The following FBXO47 variants were observed in gnomAD, a reference collection of about 807,000 sequenced individuals.
FBXO47 encodes F-box only protein 47.
FBXO47 carries 34 observed loss-of-function variants against 53.9 expected under a neutral mutation model. That is an observed-to-expected ratio of 0.63 (90% CI 0.48 to 0.84). The LOEUF is 0.84. FBXO47 is among the 40% of genes least tolerant of loss of function. The pLI is 0.00. For missense variants in FBXO47, 485 were observed against 541.3 expected (o/e 0.90, Z 1.03); for synonymous variants, 165 against 181.6 (o/e 0.91, Z 0.73).
chr17:38,953,952 T>G (rs1482514775), intron 5 of FBXO47, among the ~76,000 whole-genome samples: 1 of 152,190 alleles, frequency 6.6e-6, no homozygotes, highest in African/African-American at 2.4e-5. Context: ...AGCAAGATTC[T>G]TACGGGTGCA....
In FBXO47 at chr17:38,945,547, C is replaced by T. The variant is rs937108070; in HGVS notation, c.617-411G>A. ...GGTGTGGTGACTCTTGCCTGTAATG[C>T]CAGCACGTTGTGAAGCCGAGGTGGG... On this transcript the variant is annotated intron_variant, in intron 6 of 10. Coordinates refer to ENST00000378079, the MANE Select transcript of FBXO47 (RefSeq NM_001008777.3). Among the ~76,000 whole-genome samples the T allele has an allele frequency of 5.3e-5, 8 of 152,090 alleles. No individual in the cohort carries two copies. In the South Asian group the frequency reaches 1.5e-3, roughly 28 times the overall value.
At chr17:38,946,841 TAAACATATAA>T (rs1208173508) in intron 6 of FBXO47, among the ~76,000 whole-genome samples, 105 of 103,786 alleles carry the variant, frequency 1.0e-3, no homozygotes, top group African/African-American at 1.8e-3. Flanking sequence ...TAAATATATA[TAAACATATAA>T]AAATATATAT....
chr17:38,944,632 T>A (rs557451501), intron 7 of FBXO47, among the ~76,000 whole-genome samples: 1 of 148,618 alleles, frequency 6.7e-6, no homozygotes, highest in Non-Finnish European at 1.5e-5. Flanking sequence ...AACCCGGGAA[T>A]TGGAGCTCGC....
intron 3 of FBXO47, among the ~76,000 whole-genome samples, chr17:38,959,381 G>A (rs961458992): frequency 2.6e-5 from 4 of 151,710 alleles, no homozygotes; most frequent in Admixed American, 6.6e-5. Context: ...ACAGGAGTTC[G>A]AGACCAGCCT....
At chr17:38,945,665 C>G (rs6503737) in intron 6 of FBXO47, among the ~76,000 whole-genome samples, 67,087 of 151,410 alleles carry the variant, frequency 0.44, 16,023 homozygotes, top group African/African-American at 0.62. Context: ...GGCCGGGTGC[C>G]GTGGCTCACA....
chr17:38,961,195 T>C (rs1442965759), intron 3 of FBXO47, among the ~76,000 whole-genome samples: 1 of 152,236 alleles, frequency 6.6e-6, no homozygotes, highest in Non-Finnish European at 1.5e-5. Context: ...GTTATGCCTT[T>C]ATTTAAATCA....
In FBXO47 at chr17:38,963,041, A is replaced by C; in HGVS notation, c.-16T>G. On this transcript the variant is annotated 5_prime_UTR_variant, in exon 2 of 11. Transcript: ENST00000378079. ...TGGATGCCATTCTTCTTCTTGTCTC[A>C]CAAATTTATCCTGGTCAGAAAAACA... 1 of 1,595,190 alleles carries C rather than the reference A, an allele frequency of 6.3e-7. No individual in the cohort carries two copies. The highest frequency in any genetic ancestry group is 8.6e-7 in the Non-Finnish European group (1 of 1,165,196).
intron 5 of FBXO47, among the ~76,000 whole-genome samples, chr17:38,953,056 C>A (rs1235864466): frequency 6.7e-6 from 1 of 150,012 alleles, no homozygotes; most frequent in East Asian, 2.0e-4. Context: ...GCAAATGGAT[C>A]ACTTGAGGTC....
intron 9 of FBXO47, among the ~76,000 whole-genome samples, chr17:38,941,620 TTATATATA>T (rs3040090): frequency 7.8e-5 from 9 of 115,186 alleles, no homozygotes; most frequent in East Asian, 2.5e-4. Context: ...AAATATAATA[TTATATATA>T]TATATATATA....
intron 1 of FBXO47, among the ~76,000 whole-genome samples, chr17:38,964,852 G>GC (rs1300415940): frequency 5.9e-5 from 9 of 151,540 alleles, no homozygotes; most frequent in Admixed American, 5.9e-4. Flanking sequence ...TCGCTCTACT[G>GC]CCCGGGCTGG....
At chr17:38,947,065 TATATAAAC>T (rs1025066419) in intron 6 of FBXO47, among the ~76,000 whole-genome samples, 6 of 132,922 alleles carry the variant, frequency 4.5e-5, no homozygotes, top group Admixed American at 7.8e-5. Context: ...TATATAAATA[TATATAAAC>T]ATATATAAAC....
intron 7 of FBXO47, among the ~76,000 whole-genome samples, chr17:38,944,412 C>T (rs1201833301): frequency 6.6e-6 from 1 of 150,706 alleles, no homozygotes; most frequent in Non-Finnish European, 1.5e-5. Flanking sequence ...ACTAAAAATA[C>T]AAAAAACTGG....
At chr17:38,946,641 T>TATATATAAATATATATGA (rs1904885309) in intron 6 of FBXO47, among the ~76,000 whole-genome samples, 1 of 23,762 alleles carries the variant, frequency 4.2e-5, no homozygotes, top group Admixed American at 7.2e-4. Context: ...AATATATAAA[T>TATATATAAATATATATGA]ATATATAAAT....
rs545780600 is a variant in FBXO47 at position 38,955,776 on chromosome 17, G to A, written c.430-843C>T. 2.3e-3 allele frequency among the ~76,000 whole-genome samples: 353 copies of A among 151,866 alleles called. 1 individual carries two copies. The highest frequency in any genetic ancestry group is 8.1e-3 in the African/African-American group (336 of 41,442). Reference sequence around the variant, plus strand: ...AGTTCGAGATCAGCCTGACCAACATGGTGAAACCCTGTCTCTACTAAGAAT... The same window carrying A: ...AGTTCGAGATCAGCCTGACCAACATAGTGAAACCCTGTCTCTACTAAGAAT... On this transcript the variant is annotated intron_variant, in intron 4 of 10. Coordinates refer to ENST00000378079, the MANE Select transcript of FBXO47 (RefSeq NM_001008777.3).
intron 6 of FBXO47, among the ~76,000 whole-genome samples, chr17:38,946,483 T>G (rs1349887008): frequency 2.2e-5 from 2 of 90,094 alleles, no homozygotes; most frequent in Non-Finnish European, 1.8e-5. Context: ...TATAACTATA[T>G]AAATATATAT....
Position 38,961,953 on chromosome 17 carries a change from T to A in FBXO47, c.276A>T (p.Leu92Phe), listed in dbSNP as rs563432448. The change falls in exon 3 of 11, where the codon TTA becomes TTT. Residue 92 changes from leucine to phenylalanine, a missense_variant. Coordinates refer to ENST00000378079, the MANE Select transcript of FBXO47 (RefSeq NM_001008777.3). ...GCTCAAGGTTATGAAAGTCCTGTAG[T>A]AAAAGTCTTTTGCTTCCTGATGAGG... ...ISTSSGSKRL[L>F]LQDFHNLELP... is the part of the protein sequence containing the mutation. 1.2e-6 allele frequency: 2 copies of A among 1,613,776 alleles called. No individual in the cohort carries two copies. The highest frequency in any genetic ancestry group is 1.7e-6 in the Non-Finnish European group (2 of 1,179,798).
chr17:38,954,838 T>A lies in FBXO47; in HGVS notation c.507+18A>T. Reference sequence around the variant, plus strand: ...TTCCAAAGGTATCCCTTTTCTTCTCTGATTAAAAAAAATGTACCTGTAAAA... The same window carrying A: ...TTCCAAAGGTATCCCTTTTCTTCTCAGATTAAAAAAAATGTACCTGTAAAA... On this transcript the variant is annotated intron_variant, in intron 5 of 10. Transcript: ENST00000378079. 6.5e-7 allele frequency: 1 copy of A among 1,530,348 alleles called. No individual in the cohort carries two copies. The highest frequency in any genetic ancestry group is 9.0e-7 in the Non-Finnish European group (1 of 1,111,178). The allele number at this position is 1,530,348 out of a possible 1,614,324, so 94.8% of individuals were successfully genotyped here.
chr17:38,945,012 C>A lies in FBXO47; in HGVS notation c.741G>T (p.Val247=), dbSNP rs1904686243. 6.2e-7 allele frequency: 1 copy of A among 1,613,936 alleles called. No individual in the cohort carries two copies. Among genetic ancestry groups the A allele is most frequent in the Non-Finnish European group, 8.5e-7 (1 of 1,179,982 alleles). Residue 247 remains valine (V), a synonymous_variant, in exon 7 of 11, where the codon GTG becomes GTT. Coordinates refer to ENST00000378079, the MANE Select transcript of FBXO47 (RefSeq NM_001008777.3). ...LTRILKPWPM[V]NQARLLYIIF... ...TGATATACAGTAATCTTGCCTGATT[C>A]ACCATTGGCCATGGTTTTAATATTC...
chr17:38,962,397 C>T (rs1435630140), intron 2 of FBXO47, among the ~76,000 whole-genome samples: 1 of 152,036 alleles, frequency 6.6e-6, no homozygotes, highest in East Asian at 1.9e-4. Flanking sequence ...GGACAGATCA[C>T]CTGAGGTCAG....
Sources: gnomAD v4.1 joint callset for allele counts (sites outside exome capture counted in the v4.1 genomes callset) on GRCh38, gnomAD v4.1.1 for gene constraint, MANE v1.5 for transcripts, NCBI Gene and HGNC (gene_info 2026-07-23, HGNC 2026-07-21) for gene names.